The following UBE2E2 variants were observed in gnomAD, a reference collection of about 807,000 sequenced individuals.
The protein encoded by UBE2E2 is ubiquitin conjugating enzyme E2 E2.
UBE2E2 carries 6 observed loss-of-function variants against 24.7 expected under a neutral mutation model. The ratio of observed to expected loss-of-function variants is 0.24; its 90% confidence interval spans 0.13 to 0.48. The LOEUF (loss-of-function observed/expected upper bound fraction) is 0.48. UBE2E2 is among the 20% of genes least tolerant of loss of function. The probability of loss-of-function intolerance (pLI) is 0.99; values close to 1 mark genes in which losing one functional copy is unlikely to be tolerated. For synonymous variants in UBE2E2, 104 were observed against 83.6 expected (o/e 1.24, Z -1.33); for missense variants, 169 against 245.0 (o/e 0.69, Z 2.07).
At chr3:23,389,733 T>C (rs928965206) in intron 3 of UBE2E2, 1 of 194,364 alleles carries the variant, frequency 5.1e-6, no homozygotes, top group Non-Finnish European at 1.1e-5. Flanking sequence ...TCAGATCCAC[T>C]AGAGGGGTTT....
At chr3:23,405,732 T>C (rs141087068) in intron 3 of UBE2E2, among the ~76,000 whole-genome samples, 209 of 152,202 alleles carry the variant, frequency 1.4e-3, no homozygotes, top group Admixed American at 3.9e-3. Flanking sequence ...TACCACACTC[T>C]TTAACATTTT....
intron 4 of UBE2E2, among the ~76,000 whole-genome samples, chr3:23,517,485 A>T (rs550654320): frequency 1.3e-5 from 2 of 152,274 alleles, no homozygotes; most frequent in African/African-American, 4.8e-5. Flanking sequence ...ATCAATTGTC[A>T]TTTTTAATTA....
intron 5 of UBE2E2, among the ~76,000 whole-genome samples, chr3:23,547,069 T>G (rs1695541706): frequency 1.3e-5 from 2 of 152,190 alleles, no homozygotes; most frequent in Non-Finnish European, 2.9e-5. Flanking sequence ...CAAAGTGAGG[T>G]GTATAAATAA....
At chr3:23,263,036 A>G (rs1697945079) in intron 3 of UBE2E2, among the ~76,000 whole-genome samples, 1 of 152,188 alleles carries the variant, frequency 6.6e-6, no homozygotes, top group Non-Finnish European at 1.5e-5. Context: ...AGCAGGCAGA[A>G]GTTGCTGTTA....
chr3:23,249,836 T>C (rs1437772147), intron 3 of UBE2E2, among the ~76,000 whole-genome samples: 2 of 152,028 alleles, frequency 1.3e-5, no homozygotes, highest in African/African-American at 4.8e-5. Context: ...TTTTGTATTT[T>C]TAGTAGAGAT....
At chr3:23,292,311 T>C (rs1410927010) in intron 3 of UBE2E2, among the ~76,000 whole-genome samples, 1 of 152,320 alleles carries the variant, frequency 6.6e-6, no homozygotes, top group Admixed American at 6.5e-5. Flanking sequence ...TTTTTGGTGT[T>C]AAAATGTCGT....
At chr3:23,448,442 A>G (rs961744307) in intron 3 of UBE2E2, among the ~76,000 whole-genome samples, 1 of 152,150 alleles carries the variant, frequency 6.6e-6, no homozygotes, top group Non-Finnish European at 1.5e-5. Flanking sequence ...TGTTATGGAG[A>G]TTTGGAATAC....
intron 3 of UBE2E2, among the ~76,000 whole-genome samples, chr3:23,416,447 TG>T (rs1697635225): frequency 6.6e-6 from 1 of 152,226 alleles, no homozygotes; most frequent in Admixed American, 6.5e-5. Context: ...CTTCCCTTTG[TG>T]GGTAACCTGA....
rs568346538 is a variant in UBE2E2, at chr3:23,522,607, A to G, written c.361-9947A>G. Among the ~76,000 whole-genome samples the G allele has an allele frequency of 1.8e-4, 27 of 152,136 alleles. No homozygotes were observed. The South Asian group carries it at 4.8e-3, about 27-fold the overall frequency. On this transcript the variant is annotated intron_variant, in intron 4 of 5. Coordinates refer to ENST00000396703, the MANE Select transcript of UBE2E2 (RefSeq NM_152653.4). ...TTAACCCATTGAGAAGGAAACCTCT[A>G]TATGCATGCCAAACAAGCATTGATT...
chr3:23,367,006 A>G (rs1575589139), intron 3 of UBE2E2, among the ~76,000 whole-genome samples: 1 of 152,100 alleles, frequency 6.6e-6, no homozygotes, highest in East Asian at 1.9e-4. Context: ...AGTTTTTCTA[A>G]GGGACTCTCT....
At chr3:23,401,848 C>CTTTTTTT (rs35903137) in intron 3 of UBE2E2, among the ~76,000 whole-genome samples, 8 of 67,704 alleles carry the variant, frequency 1.2e-4, no homozygotes, top group Admixed American at 1.8e-4. Flanking sequence ...TGCCTGGCTA[C>CTTTTTTT]TTTTTTTTTT....
chr3:23,550,768 A>G (rs536290224), intron 5 of UBE2E2, among the ~76,000 whole-genome samples: 4 of 152,310 alleles, frequency 2.6e-5, no homozygotes, highest in Admixed American at 2.6e-4. Flanking sequence ...ACAAGGAGAA[A>G]GAAACCAAAG....
intron 5 of UBE2E2, among the ~76,000 whole-genome samples, chr3:23,541,600 G>A (rs1326565126): frequency 6.6e-6 from 1 of 152,178 alleles, no homozygotes; most frequent in East Asian, 1.9e-4. Flanking sequence ...ACATGTATTG[G>A]AAGAACTTTC....
Position 23,203,452 on chromosome 3 carries a change from A to ACC in UBE2E2, c.-14_-13dup, listed in dbSNP as rs111458483. 4.1e-3 allele frequency: 3,790 copies of ACC among 930,822 alleles called. 68 individuals carry two copies. In the African/African-American group the frequency reaches 0.062, roughly 15 times the overall value. The allele number at this position is 930,822 out of a possible 1,614,324, so 57.7% of individuals were successfully genotyped here. A position where few individuals can be genotyped will look rare whatever the true frequency, so the allele number is the denominator to read the frequency against. Reference sequence around the variant, plus strand: ...GCTCGAGCCTGCGACCTGCACGGACACCCCCCCCTCAGGTATTCGCTCGGG... The same window carrying ACC: ...GCTCGAGCCTGCGACCTGCACGGACACCCCCCCCCCTCAGGTATTCGCTCGGG... On this transcript the variant is annotated 5_prime_UTR_variant, in exon 1 of 6. Coordinates refer to ENST00000396703, the MANE Select transcript of UBE2E2 (RefSeq NM_152653.4).
In UBE2E2 at chr3:23,240,051, G is replaced by T. The variant is rs548629014; in HGVS notation, c.227+22739G>T. ...TTTTTATGGATCATAAAGGAGCCTG[G>T]TTAAAGTTTGGAACTATTATAGACT... On this transcript the variant is annotated intron_variant, in intron 3 of 5. Coordinates refer to ENST00000396703, the MANE Select transcript of UBE2E2 (RefSeq NM_152653.4). Among the ~76,000 whole-genome samples the T allele has an allele frequency of 1.1e-4, 17 of 152,240 alleles. 2 individuals carry two copies. Among genetic ancestry groups the T allele is most frequent in the African/African-American group, 3.9e-4 (16 of 41,536 alleles).
At chr3:23,328,773 T>G (rs7622913) in intron 3 of UBE2E2, among the ~76,000 whole-genome samples, 49,947 of 151,732 alleles carry the variant, frequency 0.33, 8,418 homozygotes, top group South Asian at 0.38. Context: ...GCGATTCTCC[T>G]GCCTCAGCCT....
rs193157104 is a variant in UBE2E2, at chr3:23,562,748, C to T, written c.509-26986C>T. Among the ~76,000 whole-genome samples the T allele has an allele frequency of 1.1e-3, 174 of 152,232 alleles. 1 individual carries two copies. The highest frequency in any genetic ancestry group is 3.1e-3 in the Admixed American group (47 of 15,268). On this transcript the variant is annotated intron_variant, in intron 5 of 5. Transcript: ENST00000396703. ...ATTAATTATTGCCTCAATTTCAGAG[C>T]CTGTTATTGGTCTATTAAAAGATTC... is the stretch of plus-strand genomic sequence containing the variant.
chr3:23,234,535 T>C (rs1697054595), intron 3 of UBE2E2, among the ~76,000 whole-genome samples: 3 of 152,208 alleles, frequency 2.0e-5, no homozygotes, highest in African/African-American at 7.2e-5. Flanking sequence ...AAGCACACTT[T>C]CCTAGGTAAG....
intron 3 of UBE2E2, among the ~76,000 whole-genome samples, chr3:23,392,839 T>C (rs1326938933): frequency 2.0e-5 from 3 of 152,098 alleles, no homozygotes; most frequent in Non-Finnish European, 4.4e-5. Flanking sequence ...AAGTGAAAGA[T>C]GAATAATATT....
Sources: gnomAD v4.1 joint callset for allele counts (sites outside exome capture counted in the v4.1 genomes callset) on GRCh38, gnomAD v4.1.1 for gene constraint, MANE v1.5 for transcripts, NCBI Gene and HGNC (gene_info 2026-07-23, HGNC 2026-07-21) for gene names.